Variants in KANK1 observed in about 807,000 individuals in gnomAD.
KANK1 encodes KN motif and ankyrin repeat domain-containing protein 1.
Under a neutral mutation model 106.2 loss-of-function variants are expected in KANK1, and 109 were observed. The ratio of observed to expected loss-of-function variants is 1.03; its 90% confidence interval spans 0.88 to 1.20. The LOEUF (loss-of-function observed/expected upper bound fraction) is 1.20, where lower values mean the gene tolerates loss of function less well. KANK1 is among the 50% of genes most tolerant of loss of function. KANK1 has a pLI of 0.00. For synonymous variants in KANK1, 873 were observed against 652.2 expected, an observed-to-expected ratio of 1.34 and a Z score of -5.16; for missense variants, 2,399 against 1,710.7, an observed-to-expected ratio of 1.40 and a Z score of -7.10.
intron 1 of KANK1, among the ~76,000 whole-genome samples, chr9:672,744 C>T (rs547783359): frequency 3.3e-5 from 5 of 152,306 alleles, no homozygotes; most frequent in East Asian, 3.9e-4. Context: ...GGGGTCAGCT[C>T]ATGCAATGTT....
chr9:721,389 G>C (rs892656530), intron 3 of KANK1, among the ~76,000 whole-genome samples: 5 of 152,122 alleles, frequency 3.3e-5, no homozygotes, highest in African/African-American at 1.2e-4. Flanking sequence ...GATTCCTTAT[G>C]AAAAATGTCA....
rs368856719 is a variant in KANK1 at position 652,478 on chromosome 9, G to A, written c.-83-24412G>A. On this transcript the variant is annotated intron_variant, in intron 1 of 11. Transcript: ENST00000382297. The stretch of plus-strand genomic sequence containing the variant: ...GCAGAGTTTGCAGTGAGCCGAGATC[G>A]TGCCATTGCACTCCAGCCTGGGCGA... Among the ~76,000 whole-genome samples, 10 of 152,284 alleles carry A rather than the reference G, an allele frequency of 6.6e-5. No homozygotes were observed. The South Asian group carries it at 1.0e-3, about 16-fold the overall frequency.
intron 3 of KANK1, 126 bp from the exon 4 acceptor site, chr9:729,925 C>T: frequency 1.3e-6 from 1 of 789,818 alleles, no homozygotes; most frequent in South Asian, 1.8e-5. Context: ...GTCAAAGGGG[C>T]TTCTGAGTTT....
chr9:597,574 A>T, intron 1 of KANK1, among the ~76,000 whole-genome samples: 1 of 151,628 alleles, frequency 6.6e-6, no homozygotes, highest in East Asian at 1.9e-4. Flanking sequence ...GACTTGTAAG[A>T]GTGCTTTATA....
At chr9:736,493 A>C (rs959685474) in intron 7 of KANK1, among the ~76,000 whole-genome samples, 1 of 152,070 alleles carries the variant, frequency 6.6e-6, no homozygotes, top group Non-Finnish European at 1.5e-5. Flanking sequence ...ACTTGAGCCC[A>C]GGAGTTCAGT....
At chr9:726,610 G>C (rs12685675) in intron 3 of KANK1, among the ~76,000 whole-genome samples, 8,113 of 152,028 alleles carry the variant, frequency 0.053, 528 homozygotes, top group East Asian at 0.19. Context: ...CTGCACTGTA[G>C]CCTAGCAACA....
At chr9:547,695 T>C (rs1349829702) in intron 1 of KANK1, among the ~76,000 whole-genome samples, 1 of 143,694 alleles carries the variant, frequency 7.0e-6, no homozygotes, top group Non-Finnish European at 1.6e-5. Flanking sequence ...ATTCTCTTCC[T>C]GCATGGTGGG....
At chr9:704,992 CAAA>C (rs71314728) in intron 2 of KANK1, among the ~76,000 whole-genome samples, 524 of 53,082 alleles carry the variant, frequency 9.9e-3, no homozygotes, top group African/African-American at 0.029. Context: ...GACCCTGTCT[CAAA>C]AAAAAAAAAA....
At position 515,082 on chromosome 9, in the gene KANK1, G is replaced by T. The variant is rs537379947; in HGVS notation, c.-84+10328G>T. Among the ~76,000 whole-genome samples, 38 of 151,870 alleles carry T rather than the reference G, an allele frequency of 2.5e-4. 1 individual carries two copies. Among genetic ancestry groups the T allele is most frequent in the Middle Eastern group, 3.4e-3 (1 of 294 alleles). On this transcript the variant is annotated intron_variant, in intron 1 of 11. Transcript: ENST00000382297. ...AGTTTGACCGGGTGCAGTGGCTCAC[G>T]CCTGTAATCCCAGCACTTTGGGAGG...
At chr9:648,192 CG>C (rs1269121328) in intron 1 of KANK1, among the ~76,000 whole-genome samples, 4 of 143,114 alleles carry the variant, frequency 2.8e-5, no homozygotes, top group African/African-American at 9.0e-5. Flanking sequence ...TTAGTAGAGA[CG>C]GGGTGTCATC....
intron 3 of KANK1, among the ~76,000 whole-genome samples, chr9:729,086 C>G (rs1041399266): frequency 6.6e-6 from 1 of 152,190 alleles, no homozygotes; most frequent in African/African-American, 2.4e-5. Context: ...GAGTTTGACT[C>G]TTTTCATTGA....
intron 1 of KANK1, among the ~76,000 whole-genome samples, chr9:506,160 A>G (rs893487959): frequency 2.6e-5 from 4 of 152,202 alleles, no homozygotes; most frequent in Non-Finnish European, 5.9e-5. Flanking sequence ...ATTAGCAGTC[A>G]TTCTTCCATC....
chr9:627,244 A>T (rs970920030), intron 1 of KANK1, among the ~76,000 whole-genome samples: 1 of 152,152 alleles, frequency 6.6e-6, no homozygotes, highest in African/African-American at 2.4e-5. Flanking sequence ...CAGAGCCTGG[A>T]AGAACCCCAG....
intron 1 of KANK1, among the ~76,000 whole-genome samples, chr9:632,891 G>A (rs75265910): frequency 7.3e-5 from 11 of 151,722 alleles, no homozygotes; most frequent in African/African-American, 2.7e-4. Context: ...ACGGGGTTTC[G>A]CCATGTTTGC....
chr9:617,618 G>A (rs1182388005), intron 1 of KANK1, among the ~76,000 whole-genome samples: 3 of 152,252 alleles, frequency 2.0e-5, no homozygotes, highest in Middle Eastern at 3.4e-3. Flanking sequence ...CCTGGCTGTT[G>A]GGGGAGGCAC....
rs756042541 is a variant in KANK1 at position 710,996 on chromosome 9, G to T, written c.230G>T (p.Arg77Met). The T allele has an allele frequency of 3.7e-6, 6 of 1,614,010 alleles. No homozygotes were observed. Among genetic ancestry groups the T allele is most frequent in the African/African-American group, 1.3e-5 (1 of 74,906 alleles). Residue 77 changes from arginine (R) to methionine (M), a missense_variant, in exon 3 of 12, where the codon AGG becomes ATG. By Grantham distance (91) the Arg-to-Met change is moderately conservative (BLOSUM62 -1). Coordinates refer to ENST00000382297, the MANE Select transcript of KANK1 (RefSeq NM_015158.5). ...RKPSVPCPEP[R>M]TTSGQQGIWT... ...CCGTCCGTGCCATGCCCAGAACCCA[G>T]GACCACATCTGGTCAGCAAGGTATA...
chr9:581,199 G>A (rs779914877), intron 1 of KANK1, among the ~76,000 whole-genome samples: 5 of 152,146 alleles, frequency 3.3e-5, no homozygotes, highest in South Asian at 2.1e-4. Flanking sequence ...CTCCGGCCTC[G>A]GCCAGCCCAG....
At chr9:738,549 G>A in intron 8 of KANK1, 45 bp downstream of exon 8, 1 of 1,476,424 alleles carries the variant, frequency 6.8e-7, no homozygotes, top group Non-Finnish European at 9.5e-7. Flanking sequence ...ACAGTACTTG[G>A]GTTGTGACTC....
rs375054603 is a variant in KANK1 at position 713,254 on chromosome 9, A to G, written c.2488A>G (p.Ile830Val). Residue 830 changes from isoleucine to valine, a missense_variant, in exon 3 of 12, where the codon ATC becomes GTC. Ile to Val is a conservative substitution (Grantham distance 29, BLOSUM62 3). Coordinates refer to ENST00000382297, the MANE Select transcript of KANK1 (RefSeq NM_015158.5). ...MTGLDHYIERIQKLLAEQQTL... is the reference protein window; with the variant it reads ...MTGLDHYIERVQKLLAEQQTL... ...TGGCCTGGATCACTACATTGAGCGT[A>G]TCCAGAAGCTGCTGGCAGAACAGCA... The G allele has an allele frequency of 6.2e-7, 1 of 1,611,174 alleles. No individual in the cohort carries two copies.
Sources: allele counts gnomAD v4.1 joint callset (sites outside exome capture counted in the v4.1 genomes callset), GRCh38; gene constraint gnomAD v4.1.1; transcripts MANE v1.5; gene names NCBI Gene and HGNC (gene_info 2026-07-23, HGNC 2026-07-21).